The following MYH11 variants were observed in gnomAD, a reference collection of about 807,000 sequenced individuals.
MYH11 encodes myosin-11.
Under a neutral mutation model 246.6 loss-of-function variants are expected in MYH11, and 80 were observed. The observed-to-expected ratio is 0.32, with a 90% CI of 0.27 to 0.39. MYH11 has a LOEUF of 0.39. Among genes scored for constraint, MYH11 ranks in the 10% least tolerant of loss-of-function variants. MYH11 has a pLI of 1.00. For missense variants in MYH11, 2,158 were observed against 2,546.8 expected, an observed-to-expected ratio of 0.85 and a Z score of 3.29; for synonymous variants, 1,071 against 1,015.5, an observed-to-expected ratio of 1.05 and a Z score of -1.04.
At chr16:15,752,481 A>G (rs1352709752) in intron 15 of MYH11, among the ~76,000 whole-genome samples, 1 of 152,144 alleles carries the variant, frequency 6.6e-6, no homozygotes, top group Admixed American at 6.5e-5. Flanking sequence ...TCCCTAGACC[A>G]GCAGCATCAC....
At chr16:15,731,996 C>T (rs571118551) in intron 27 of MYH11, among the ~76,000 whole-genome samples, 1 of 152,074 alleles carries the variant, frequency 6.6e-6, no homozygotes, top group East Asian at 1.9e-4. Flanking sequence ...GAATCCTGCT[C>T]TGTTGCTCAG....
At chr16:15,771,842 C>T in intron 8 of MYH11, 130 bp from the exon 9 acceptor site, 1 of 1,212,490 alleles carries the variant, frequency 8.2e-7, no homozygotes, top group Non-Finnish European at 1.2e-6. Context: ...CCGTTTAAAG[C>T]CCTCACGCAT....
intron 10 of MYH11, among the ~76,000 whole-genome samples, chr16:15,762,057 C>T (rs2041879429): frequency 6.6e-6 from 1 of 152,256 alleles, no homozygotes; most frequent in African/African-American, 2.4e-5. Flanking sequence ...GCACTGCAAT[C>T]TCCGCCTCCT....
intron 3 of MYH11, among the ~76,000 whole-genome samples, chr16:15,809,954 C>T (rs539345984): frequency 6.6e-6 from 1 of 152,180 alleles, no homozygotes; most frequent in South Asian, 2.1e-4. Flanking sequence ...GAAGGTGTTG[C>T]CAAGTGTCAG....
chr16:15,834,378 C>T (rs539646747), intron 2 of MYH11, among the ~76,000 whole-genome samples: 3 of 151,976 alleles, frequency 2.0e-5, no homozygotes, highest in Non-Finnish European at 2.9e-5. Context: ...ATACAAAAAT[C>T]AGCCAGGCAT....
At chr16:15,745,015 G>T in intron 20 of MYH11, 114 bp downstream of exon 20, 2 of 811,640 alleles carry the variant, frequency 2.5e-6, no homozygotes, top group Non-Finnish European at 2.2e-6. Context: ...GTCTGAGTTC[G>T]AGCCCTCCAT....
At chr16:15,775,298 A>G (rs996710850) in intron 8 of MYH11, among the ~76,000 whole-genome samples, 4 of 152,210 alleles carry the variant, frequency 2.6e-5, no homozygotes, top group African/African-American at 7.2e-5. Flanking sequence ...TGTTTTTGTA[A>G]ATAAAGTTTT....
intron 3 of MYH11, among the ~76,000 whole-genome samples, chr16:15,818,043 A>G (rs2043306753): frequency 6.6e-6 from 1 of 152,242 alleles, no homozygotes. Context: ...ATGCACATGC[A>G]AGAAGGATGG....
intron 19 of MYH11, among the ~76,000 whole-genome samples, chr16:15,746,723 C>T (rs2041427240): frequency 2.0e-5 from 3 of 152,178 alleles, no homozygotes; most frequent in Non-Finnish European, 1.5e-5. Context: ...AAAACCCTGC[C>T]TTATAAATCC....
At chr16:15,821,896 G>A (rs1410839955) in intron 3 of MYH11, among the ~76,000 whole-genome samples, 1 of 148,522 alleles carries the variant, frequency 6.7e-6, no homozygotes, top group Non-Finnish European at 1.5e-5. Flanking sequence ...CCGCAGTCCG[G>A]CCTGGGCGAC....
At chr16:15,837,361 A>G (rs1384365543) in intron 2 of MYH11, among the ~76,000 whole-genome samples, 1 of 152,182 alleles carries the variant, frequency 6.6e-6, no homozygotes, top group Non-Finnish European at 1.5e-5. Context: ...ATGTGATGAC[A>G]TGGGATTGTC....
rs571540776 is a variant in MYH11 at position 15,720,214 on chromosome 16, C to T, written c.4890G>A (p.Glu1630=). The T allele has an allele frequency of 7.4e-6, 12 of 1,614,146 alleles. No homozygotes were observed. In the South Asian group the frequency reaches 8.8e-5, roughly 12 times the overall value. The change falls in exon 34 of 41, where the codon GAG becomes GAA. Residue 1630 remains glutamate (E), a synonymous_variant. Transcript: ENST00000300036. Reference sequence around the variant, plus strand: ...CCTTGATGGCAGAGTCGGCCTGAAGCTCCAGGTCTTTCAGGTCCCCTTCCA... The same window carrying T: ...CCTTGATGGCAGAGTCGGCCTGAAGTTCCAGGTCTTTCAGGTCCCCTTCCA... ...KKLEGDLKDL[E]LQADSAIKGR... is the part of the protein sequence containing the mutation.
At chr16:15,777,128 C>T (rs113267683) in intron 7 of MYH11, among the ~76,000 whole-genome samples, 1,958 of 151,982 alleles carry the variant, frequency 0.013, 21 homozygotes, top group South Asian at 0.034. Flanking sequence ...CACACACACA[C>T]GCACGTATGT....
At chr16:15,763,741 T>TTCC in intron 10 of MYH11, 55 bp downstream of exon 10, 1 of 646,862 alleles carries the variant, frequency 1.5e-6, no homozygotes, top group South Asian at 1.4e-5. Flanking sequence ...AAATGTCACC[T>TTCC]CCCCCACCCC....
rs147937192 is a variant in MYH11 at position 15,705,319 on chromosome 16, CT to C, written c.5787-1197del. 3.2e-4 allele frequency among the ~76,000 whole-genome samples: 49 copies of C among 152,322 alleles called. No individual in the cohort carries two copies. In the East Asian group the frequency reaches 6.2e-3, roughly 19 times the overall value. ...TTTAGCTCCAGCCAGTAGGACACCC[CT>C]GTCTCTCCTTAATGCTGCCATCTCC... On this transcript the variant is annotated intron_variant, in intron 40 of 40. Coordinates refer to ENST00000300036, the MANE Select transcript of MYH11 (RefSeq NM_002474.3).
chr16:15,725,111 AC>A, intron 28 of MYH11, 119 bp from the exon 29 acceptor site: 1 of 769,734 alleles, frequency 1.3e-6, no homozygotes, highest in Admixed American at 2.0e-5. Flanking sequence ...TTGAGAAAAT[AC>A]CCGTGAGGTA....
At chr16:15,818,745 T>G (rs1212727997) in intron 3 of MYH11, among the ~76,000 whole-genome samples, 1 of 152,100 alleles carries the variant, frequency 6.6e-6, no homozygotes, top group East Asian at 1.9e-4. Flanking sequence ...TCTTTTTATT[T>G]TTGGAGTCCG....
intron 40 of MYH11, among the ~76,000 whole-genome samples, chr16:15,705,317 C>G (rs1472243745): frequency 1.3e-5 from 2 of 152,096 alleles, no homozygotes; most frequent in Non-Finnish European, 2.9e-5. Flanking sequence ...AGTAGGACAC[C>G]CCTGTCTCTC....
chr16:15,714,598 G>A (rs796195306), intron 40 of MYH11: 20 of 515,652 alleles, frequency 3.9e-5, no homozygotes, highest in South Asian at 3.7e-4. Flanking sequence ...ACTCAGTGAT[G>A]CAATGAAGGA....
Sources: gnomAD v4.1 joint callset for allele counts (sites outside exome capture counted in the v4.1 genomes callset) on GRCh38, gnomAD v4.1.1 for gene constraint, MANE v1.5 for transcripts, NCBI Gene and HGNC (gene_info 2026-07-23, HGNC 2026-07-21) for gene names.